Variants in GALNTL6 observed in about 807,000 individuals in gnomAD.
GALNTL6 encodes the protein polypeptide N-acetylgalactosaminyltransferase like 6.
Under a neutral mutation model 73.7 loss-of-function variants are expected in GALNTL6, and 46 were observed. That is an observed-to-expected ratio of 0.62 (90% confidence interval 0.49 to 0.80). The LOEUF is 0.80. Ranked by LOEUF, GALNTL6 falls within the 30% of genes least tolerant of loss-of-function variation. The probability of loss-of-function intolerance (pLI) is 0.00; values close to 1 mark genes in which losing one functional copy is unlikely to be tolerated. For missense variants in GALNTL6, 604 were observed against 755.0 expected (o/e 0.80, Z 2.34); for synonymous variants, 259 against 263.7 (o/e 0.98, Z 0.17).
chr4:172,348,378 C>G (rs1741826902), intron 4 of GALNTL6, 145 bp from the exon 5 acceptor site: 1 of 572,274 alleles, frequency 1.7e-6, no homozygotes, highest in African/African-American at 1.9e-5. Flanking sequence ...AGCAGGATAA[C>G]AATCATGCTG....
intron 5 of GALNTL6, among the ~76,000 whole-genome samples, chr4:172,702,298 A>G (rs748566097): frequency 6.6e-6 from 1 of 152,068 alleles, no homozygotes; most frequent in Non-Finnish European, 1.5e-5. Flanking sequence ...AGGATACTCA[A>G]TATTTATGCC....
chr4:172,643,058 C>T (rs1740063570), intron 5 of GALNTL6, among the ~76,000 whole-genome samples: 1 of 151,574 alleles, frequency 6.6e-6, no homozygotes, highest in Non-Finnish European at 1.5e-5. Flanking sequence ...CTCACCTTTA[C>T]CCAACAGATA....
intron 5 of GALNTL6, among the ~76,000 whole-genome samples, chr4:172,401,953 GGA>G (rs70944407): frequency 0.53 from 48,649 of 91,140 alleles, 10,112 homozygotes; most frequent in South Asian, 0.64. Flanking sequence ...GGGGGAGGGG[GGA>G]GAGAGAGAGA....
rs1736575713 is a variant in GALNTL6, at chr4:172,566,942, C to T, written c.553+218253C>T. 2.6e-5 allele frequency among the ~76,000 whole-genome samples: 4 copies of T among 151,146 alleles called. 1 individual carries two copies. The highest frequency in any genetic ancestry group is 5.9e-5 in the Non-Finnish European group (4 of 67,810). ...TTTGGTGATCTTTCTTTGCTTCTGACTAACAAGAAAAAGATTCATTTTCAA... is the reference window on the plus strand; with the variant it reads ...TTTGGTGATCTTTCTTTGCTTCTGATTAACAAGAAAAAGATTCATTTTCAA... On this transcript the variant is annotated intron_variant, in intron 5 of 12. Coordinates refer to ENST00000506823, the MANE Select transcript of GALNTL6 (RefSeq NM_001034845.3).
intron 7 of GALNTL6, among the ~76,000 whole-genome samples, chr4:172,825,078 TTTTCTTTC>T (rs70944424): frequency 0.12 from 12,809 of 105,434 alleles, 785 homozygotes; most frequent in Admixed American, 0.15. Context: ...TTTGGTTATC[TTTTCTTTC>T]TTTCTTTCTT....
chr4:171,915,270 A>T (rs765888888), intron 2 of GALNTL6, among the ~76,000 whole-genome samples: 5 of 152,202 alleles, frequency 3.3e-5, no homozygotes, highest in Non-Finnish European at 7.3e-5. Flanking sequence ...TAGAATTTCT[A>T]ATTAGGCCTA....
At chr4:172,050,094 G>T (rs1730802961) in intron 2 of GALNTL6, among the ~76,000 whole-genome samples, 1 of 152,070 alleles carries the variant, frequency 6.6e-6, no homozygotes, top group East Asian at 1.9e-4. Context: ...TTTTCTGGCT[G>T]GCAGGCTGGA....
rs757181410 is a variant in GALNTL6, at chr4:172,882,853, C to T, written c.987C>T (p.Gly329=). The change falls in exon 8 of 13, where the codon GGC becomes GGT. Residue 329 remains glycine, a synonymous_variant. Coordinates refer to ENST00000506823, the MANE Select transcript of GALNTL6 (RefSeq NM_001034845.3). ...VDRKWFWELG[G]YDPGLEIWGG... ...GGAAATGGTTTTGGGAATTGGGTGG[C>T]TATGATCCAGGTTTAGAAATCTGGG... 2 of 1,612,880 alleles carry T rather than the reference C, an allele frequency of 1.2e-6. No homozygotes were observed. Among genetic ancestry groups the T allele is most frequent in the Non-Finnish European group, 1.7e-6 (2 of 1,179,034 alleles).
Position 173,023,238 on chromosome 4 carries a change from C to T in GALNTL6, c.1638+1613C>T, listed in dbSNP as rs1414126134. On this transcript the variant is annotated intron_variant, in intron 12 of 12. Coordinates refer to ENST00000506823, the MANE Select transcript of GALNTL6 (RefSeq NM_001034845.3). The stretch of plus-strand genomic sequence containing the variant: ...CTTACTTAATAAGCATTCTGGTTTC[C>T]ACCTCTTAGAGATGAGCTCCTAAAA... Among the ~76,000 whole-genome samples the T allele has an allele frequency of 2.0e-5, 3 of 152,252 alleles. No homozygotes were observed. The South Asian group carries it at 6.2e-4, about 32-fold the overall frequency.
intron 2 of GALNTL6, among the ~76,000 whole-genome samples, chr4:171,915,764 A>T (rs937922575): frequency 6.6e-6 from 1 of 152,092 alleles, no homozygotes. Context: ...TCACAGCTGA[A>T]ATTTTAAGGG....
intron 5 of GALNTL6, among the ~76,000 whole-genome samples, chr4:172,389,241 G>C (rs1421789643): frequency 2.0e-5 from 3 of 151,360 alleles, no homozygotes; most frequent in African/African-American, 4.9e-5. Flanking sequence ...TCCCAACTAG[G>C]ATAAAATTTA....
At position 172,481,645 on chromosome 4, in the gene GALNTL6, G is replaced by C. The variant is rs547033067; in HGVS notation, c.553+132956G>C. Among the ~76,000 whole-genome samples, 16 of 151,998 alleles carry C rather than the reference G, an allele frequency of 1.1e-4. No homozygotes were observed. The East Asian group carries it at 2.3e-3, about 22-fold the overall frequency. On this transcript the variant is annotated intron_variant, in intron 5 of 12. Coordinates refer to ENST00000506823, the MANE Select transcript of GALNTL6 (RefSeq NM_001034845.3). Reference sequence around the variant, plus strand: ...AGTGCTGATTGGTATATTTACAATCGTCTAGCTAGACATAAAAGTTCTCCA... The same window carrying C: ...AGTGCTGATTGGTATATTTACAATCCTCTAGCTAGACATAAAAGTTCTCCA...
intron 2 of GALNTL6, among the ~76,000 whole-genome samples, chr4:171,898,482 AT>A (rs1385915006): frequency 6.6e-6 from 1 of 152,110 alleles, no homozygotes; most frequent in Non-Finnish European, 1.5e-5. Flanking sequence ...TGATAAATAA[AT>A]TTTTATATTT....
intron 2 of GALNTL6, among the ~76,000 whole-genome samples, chr4:171,933,557 CTAGA>C (rs1738250170): frequency 6.6e-6 from 1 of 152,012 alleles, no homozygotes; most frequent in Non-Finnish European, 1.5e-5. Flanking sequence ...AGGCACTATG[CTAGA>C]TAGATATATA....
intron 5 of GALNTL6, among the ~76,000 whole-genome samples, chr4:172,392,293 T>C (rs1743690261): frequency 6.6e-6 from 1 of 152,146 alleles, no homozygotes; most frequent in Admixed American, 6.5e-5. Context: ...CTGGCCTAAA[T>C]AGTTATTTTA....
chr4:171,902,658 G>A (rs1165636823), intron 2 of GALNTL6, among the ~76,000 whole-genome samples: 5 of 152,300 alleles, frequency 3.3e-5, no homozygotes, highest in Admixed American at 6.5e-5. Flanking sequence ...TGAAAGAAGC[G>A]AAGTGAATAT....
At chr4:172,673,168 CCT>C (rs1479863642) in intron 5 of GALNTL6, among the ~76,000 whole-genome samples, 1 of 152,060 alleles carries the variant, frequency 6.6e-6, no homozygotes, top group Non-Finnish European at 1.5e-5. Flanking sequence ...TTTAAATTCC[CCT>C]GTTAACACTG....
chr4:172,377,242 C>T (rs1020676203), intron 5 of GALNTL6, among the ~76,000 whole-genome samples: 3 of 152,086 alleles, frequency 2.0e-5, no homozygotes, highest in South Asian at 4.1e-4. Context: ...CTGATTGGTG[C>T]GTTTACAATC....
intron 2 of GALNTL6, among the ~76,000 whole-genome samples, chr4:171,987,652 T>G (rs575578532): frequency 1.2e-4 from 18 of 152,302 alleles, no homozygotes; most frequent in Middle Eastern, 6.8e-3. Context: ...ACTGAGAAGT[T>G]ATTTCCTTGA....
Sources: allele counts gnomAD v4.1 joint callset (sites outside exome capture counted in the v4.1 genomes callset), GRCh38; gene constraint gnomAD v4.1.1; transcripts MANE v1.5; gene names NCBI Gene and HGNC (gene_info 2026-07-23, HGNC 2026-07-21).